The following CCDC178 variants were observed in gnomAD, a reference collection of about 807,000 sequenced individuals.
The protein encoded by CCDC178 is coiled-coil domain containing 178.
CCDC178 carries 126 observed loss-of-function variants against 117.4 expected under a neutral mutation model. The observed-to-expected ratio is 1.07, with a 90% CI of 0.93 to 1.24. The LOEUF is 1.24. CCDC178 is among the 50% of genes most tolerant of loss of function. The probability of loss-of-function intolerance (pLI) is 0.00; values close to 1 mark genes in which losing one functional copy is unlikely to be tolerated. For synonymous variants in CCDC178, 283 were observed against 313.4 expected (o/e 0.90, Z 1.02); for missense variants, 1,030 against 986.9 (o/e 1.04, Z -0.59).
intron 11 of CCDC178, among the ~76,000 whole-genome samples, chr18:33,310,052 C>G (rs2062317051): frequency 1.3e-5 from 2 of 151,702 alleles, no homozygotes; most frequent in Admixed American, 6.6e-5. Flanking sequence ...CACTCCAGCT[C>G]CTGGGTTCAA....
intron 11 of CCDC178, among the ~76,000 whole-genome samples, chr18:33,302,302 T>C (rs779869834): frequency 8.5e-5 from 13 of 152,202 alleles, no homozygotes; most frequent in Non-Finnish European, 1.6e-4. Flanking sequence ...ATTTTCTTTA[T>C]AAATTACTGA....
intron 20 of CCDC178, among the ~76,000 whole-genome samples, chr18:33,194,941 A>G (rs2058910443): frequency 7.1e-6 from 1 of 140,402 alleles, no homozygotes. Context: ...AGGGAGAGAG[A>G]GAGACAGAGA....
At chr18:33,364,421 C>T (rs1372458962) in intron 6 of CCDC178, among the ~76,000 whole-genome samples, 2 of 151,858 alleles carry the variant, frequency 1.3e-5, no homozygotes, top group South Asian at 2.1e-4. Flanking sequence ...CTTTCAGATG[C>T]TAAGTGGAAT....
chr18:32,957,715 T>C (rs1157969488), intron 22 of CCDC178: 1 of 152,226 alleles, frequency 6.6e-6, no homozygotes, highest in African/African-American at 2.4e-5. Flanking sequence ...GTACATTTTA[T>C]AATTTTCTAC....
At chr18:33,163,944 A>G (rs1218774153) in intron 20 of CCDC178, among the ~76,000 whole-genome samples, 1 of 152,132 alleles carries the variant, frequency 6.6e-6, no homozygotes, top group Non-Finnish European at 1.5e-5. Flanking sequence ...ATATCAGAAC[A>G]TGTATAACTG....
At chr18:33,096,372 T>C (rs2057544918) in intron 20 of CCDC178, among the ~76,000 whole-genome samples, 1 of 137,228 alleles carries the variant, frequency 7.3e-6, no homozygotes, top group Non-Finnish European at 1.6e-5. Flanking sequence ...AAAATTTTTA[T>C]ATTTTATATA....
chr18:33,185,114 C>A (rs1208532898), intron 20 of CCDC178, among the ~76,000 whole-genome samples: 1 of 151,778 alleles, frequency 6.6e-6, no homozygotes, highest in Non-Finnish European at 1.5e-5. Flanking sequence ...ACTCCTTAGC[C>A]CCCTCTTCCA....
intron 20 of CCDC178, among the ~76,000 whole-genome samples, chr18:33,119,178 A>G (rs1262949454): frequency 2.0e-5 from 3 of 152,202 alleles, no homozygotes; most frequent in East Asian, 3.9e-4. Flanking sequence ...AAAAGCCAAA[A>G]TTGACAAATG....
At chr18:33,230,734 C>G (rs538662806) in intron 15 of CCDC178, among the ~76,000 whole-genome samples, 2 of 152,018 alleles carry the variant, frequency 1.3e-5, no homozygotes, top group South Asian at 4.1e-4. Context: ...AGATGTTTTT[C>G]CTGAGATGTG....
chr18:33,090,077 C>T (rs1359010720), intron 21 of CCDC178, among the ~76,000 whole-genome samples: 14 of 152,058 alleles, frequency 9.2e-5, no homozygotes, highest in Non-Finnish European at 1.9e-4. Context: ...AAAGATAACA[C>T]AAGCAAATAA....
chr18:32,999,607 C>T (rs1338376095), intron 21 of CCDC178, among the ~76,000 whole-genome samples: 1 of 152,162 alleles, frequency 6.6e-6, no homozygotes, highest in African/African-American at 2.4e-5. Context: ...TGTTTATTGT[C>T]ATCCATCCTC....
chr18:33,178,610 G>A (rs465445), intron 20 of CCDC178, among the ~76,000 whole-genome samples: 24,510 of 151,940 alleles, frequency 0.16, 2,757 homozygotes, highest in African/African-American at 0.32. Context: ...CTCCGTACAC[G>A]AAGGTCTCCC....
intron 20 of CCDC178, among the ~76,000 whole-genome samples, chr18:33,124,043 A>T (rs2057971958): frequency 6.6e-6 from 1 of 152,152 alleles, no homozygotes; most frequent in Admixed American, 6.6e-5. Context: ...AACATGACAA[A>T]TGCCTGCTAT....
chr18:33,116,788 A>G (rs1164660379), intron 20 of CCDC178, among the ~76,000 whole-genome samples: 1 of 110,158 alleles, frequency 9.1e-6, no homozygotes, highest in East Asian at 2.4e-4. Flanking sequence ...GGAAAAGCCT[A>G]CTCTCTTTTA....
chr18:33,039,126 G>T (rs1180650183), intron 21 of CCDC178, among the ~76,000 whole-genome samples: 1 of 151,906 alleles, frequency 6.6e-6, no homozygotes, highest in Admixed American at 6.6e-5. Context: ...TAAAACAAAT[G>T]AAACATCTAG....
chr18:33,202,724 A>G (rs929782652), intron 20 of CCDC178, among the ~76,000 whole-genome samples: 1 of 152,118 alleles, frequency 6.6e-6, no homozygotes, highest in Non-Finnish European at 1.5e-5. Context: ...TCTCTAATTG[A>G]TCTTGCTATA....
chr18:32,994,201 T>C (rs2055454593), intron 21 of CCDC178, among the ~76,000 whole-genome samples: 1 of 152,170 alleles, frequency 6.6e-6, no homozygotes, highest in South Asian at 2.1e-4. Context: ...AACTCCTGAA[T>C]GCTTGTATTC....
chr18:33,387,260 ATCTTGAAAATGACCATAGT>A (rs2063505104), intron 5 of CCDC178, among the ~76,000 whole-genome samples: 1 of 152,208 alleles, frequency 6.6e-6, no homozygotes, highest in Non-Finnish European at 1.5e-5. Flanking sequence ...AAGAATCAAT[ATCTTGAAAATGACCATAGT>A]TCCCAAAGCA....
chr18:33,260,327 A>T (rs912259209), intron 14 of CCDC178, among the ~76,000 whole-genome samples: 2 of 151,760 alleles, frequency 1.3e-5, no homozygotes, highest in Non-Finnish European at 1.5e-5. Context: ...TATTCATTCT[A>T]CTCGTTCATG....
Sources: gnomAD v4.1 joint callset for allele counts (sites outside exome capture counted in the v4.1 genomes callset) on GRCh38, gnomAD v4.1.1 for gene constraint, MANE v1.5 for transcripts, NCBI Gene and HGNC (gene_info 2026-07-23, HGNC 2026-07-21) for gene names.